The following VPS13C variants were observed in gnomAD, a reference collection of about 807,000 sequenced individuals.
VPS13C encodes vacuolar protein sorting 13 homolog C.
A neutral mutation model predicts 456.8 loss-of-function variants in VPS13C; 358 were observed. The ratio of observed to expected loss-of-function variants is 0.78; its 90% CI spans 0.72 to 0.86. The LOEUF (loss-of-function observed/expected upper bound fraction) is 0.86, where lower values mean the gene tolerates loss of function less well. Among genes scored for constraint, VPS13C ranks in the 40% least tolerant of loss-of-function variants. The probability of loss-of-function intolerance (pLI) is 0.00; values close to 1 mark genes in which losing one functional copy is unlikely to be tolerated. For missense variants in VPS13C, 4,818 were observed against 4,385.4 expected (o/e 1.10, Z -2.79); for synonymous variants, 1,578 against 1,486.7 (o/e 1.06, Z -1.41).
At position 61,853,742 on chromosome 15, in the gene VPS13C, T is replaced by G. The variant is rs896423804; in HGVS notation, c.*715A>C. ...TCAGGATCCAACATTTGTTCATGGG[T>G]TAAAGCCTTTTGGCGGGCCGTGGTG... On this transcript the variant is annotated 3_prime_UTR_variant, in exon 85 of 85. Coordinates refer to ENST00000644861, the MANE Select transcript of VPS13C (RefSeq NM_020821.3). 1 of 152,106 alleles carries G rather than the reference T, an allele frequency of 6.6e-6. No individual in the cohort carries two copies. The highest frequency in any genetic ancestry group is 1.5e-5 in the Non-Finnish European group (1 of 68,026). 9.4% of individuals were successfully genotyped at this position (152,106 alleles called of 1,614,324 possible).
At chr15:61,922,076 T>A in intron 54 of VPS13C, 43 bp from the exon 55 acceptor site, 1 of 1,581,962 alleles carries the variant, frequency 6.3e-7, no homozygotes, top group Non-Finnish European at 8.7e-7. Context: ...CCTTTGGCTT[T>A]AATTACATAT....
intron 64 of VPS13C, 109 bp downstream of exon 64, chr15:61,910,068 T>C (rs892878744): frequency 5.7e-6 from 3 of 526,078 alleles, no homozygotes; most frequent in Non-Finnish European, 7.5e-6. Flanking sequence ...ATGGCACATG[T>C]ATACATATGT....
chr15:61,988,273 G>C (rs2046120279), intron 18 of VPS13C, among the ~76,000 whole-genome samples: 1 of 152,154 alleles, frequency 6.6e-6, no homozygotes, highest in Non-Finnish European at 1.5e-5. Flanking sequence ...TGTTTTTGTT[G>C]ATCACCACAT....
chr15:61,949,925 G>T (rs2044730329), intron 41 of VPS13C, among the ~76,000 whole-genome samples: 1 of 152,098 alleles, frequency 6.6e-6, no homozygotes, highest in Non-Finnish European at 1.5e-5. Flanking sequence ...TGTTCAAATG[G>T]ACTGTACCAG....
In VPS13C at chr15:61,939,988, C is replaced by T. The variant is rs938642925; in HGVS notation, c.5601+659G>A. On this transcript the variant is annotated intron_variant, in intron 47 of 84. Transcript: ENST00000644861. ...CAGCCTAGGCCACAGAGCAAGACTC[C>T]GTCTCAAAAAAAAAAAAAAAAGTTG... Among the ~76,000 whole-genome samples the T allele has an allele frequency of 1.2e-3, 170 of 147,050 alleles. 1 individual carries two copies. The highest frequency in any genetic ancestry group is 4.0e-3 in the African/African-American group (158 of 39,864).
chr15:62,022,278 T>C (rs1009590248), intron 8 of VPS13C, among the ~76,000 whole-genome samples: 25 of 151,862 alleles, frequency 1.6e-4, no homozygotes, highest in African/African-American at 6.0e-4. Flanking sequence ...AAGTTTAATT[T>C]TACAAATTAG....
chr15:62,030,509 G>A (rs2047778564), intron 5 of VPS13C, among the ~76,000 whole-genome samples: 1 of 152,038 alleles, frequency 6.6e-6, no homozygotes, highest in Non-Finnish European at 1.5e-5. Flanking sequence ...ACAGAACTGT[G>A]AGCCAATTAA....
intron 12 of VPS13C, among the ~76,000 whole-genome samples, chr15:62,010,918 A>C (rs1211189453): frequency 6.6e-6 from 1 of 152,156 alleles, no homozygotes; most frequent in East Asian, 1.9e-4. Flanking sequence ...TCCTTGTTGC[A>C]AGACATTTAA....
At position 61,974,354 on chromosome 15, in the gene VPS13C, A is replaced by G; in HGVS notation, c.2472T>C (p.Asp824=). 6.2e-7 allele frequency: 1 copy of G among 1,612,778 alleles called. No individual in the cohort carries two copies. Among genetic ancestry groups the G allele is most frequent in the Non-Finnish European group, 8.5e-7 (1 of 1,179,074 alleles). ...HVRISDQKMK[D]VLYLMNSIPL... is the part of the protein sequence containing the mutation. The stretch of plus-strand genomic sequence containing the variant: ...GTATACTGTTCATCAAATATAGCAC[A>G]TCTTTCATCTTCTGGTCAGAAATTC... The change falls in exon 25 of 85, where the codon GAT becomes GAC. Residue 824 remains aspartate, a synonymous_variant. Coordinates refer to ENST00000644861, the MANE Select transcript of VPS13C (RefSeq NM_020821.3).
chr15:61,915,836 C>G lies in VPS13C; in HGVS notation c.8242G>C (p.Val2748Leu), dbSNP rs1258496729. 4 of 1,614,044 alleles carry G rather than the reference C, an allele frequency of 2.5e-6. No individual in the cohort carries two copies. Among genetic ancestry groups the G allele is most frequent in the Non-Finnish European group, 3.4e-6 (4 of 1,180,014 alleles). Reference sequence around the variant, plus strand: ...TGGACTGACAGGTCGACTGTCGTCACTTCTGTGGAGTCAGAAGAAAAACAC... The same window carrying G: ...TGGACTGACAGGTCGACTGTCGTCAGTTCTGTGGAGTCAGAAGAAAAACAC... ...PVCFSSDSTEVTTVDLSVHVR... is the reference protein window; with the variant it reads ...PVCFSSDSTELTTVDLSVHVR... Residue 2748 changes from valine to leucine, a missense_variant, in exon 61 of 85, where the codon GTG (valine) becomes CTG (leucine). Val to Leu is a conservative substitution (Grantham distance 32, BLOSUM62 1). This residue lies in a region of VPS13C where 4,552 missense variants were observed against 4,130.6 expected (regional missense o/e 1.10). Coordinates refer to ENST00000644861, the MANE Select transcript of VPS13C (RefSeq NM_020821.3).
chr15:61,999,769 T>C (rs1440759640), intron 16 of VPS13C, among the ~76,000 whole-genome samples: 3 of 149,098 alleles, frequency 2.0e-5, no homozygotes, highest in African/African-American at 5.0e-5. Context: ...ACATTATCAG[T>C]AGATCATTTC....
intron 49 of VPS13C, among the ~76,000 whole-genome samples, 172 bp from the exon 50 acceptor site, chr15:61,931,431 T>C (rs1028692141): frequency 6.6e-6 from 1 of 152,184 alleles, no homozygotes; most frequent in Non-Finnish European, 1.5e-5. Context: ...TTTGTGAGCA[T>C]ACCTGTACAT....
chr15:61,902,054 C>A (rs542001303), intron 66 of VPS13C, among the ~76,000 whole-genome samples: 4 of 141,362 alleles, frequency 2.8e-5, no homozygotes, highest in African/African-American at 8.0e-5. Flanking sequence ...TAGGTGGGAA[C>A]TGAACAATGC....
intron 49 of VPS13C, 120 bp from the exon 50 acceptor site, chr15:61,931,379 G>C (rs1167694946): frequency 9.9e-7 from 1 of 1,012,986 alleles, no homozygotes; most frequent in Non-Finnish European, 1.4e-6. Context: ...TTAAAAGTAT[G>C]AGTGCTAAAA....
chr15:61,896,650 T>G (rs1235650616), intron 66 of VPS13C, among the ~76,000 whole-genome samples: 1 of 152,148 alleles, frequency 6.6e-6, no homozygotes, highest in African/African-American at 2.4e-5. Flanking sequence ...GAGATCAAAC[T>G]GCAAGGCGGC....
Position 61,881,780 on chromosome 15 carries a change from C to T in VPS13C, c.9673G>A (p.Val3225Ile). The stretch of plus-strand genomic sequence containing the variant: ...AAAGCAATAGATTTTGGAGGGGCAA[C>T]AGGATGAAATACAACAGGGAACATT... ...GAMFPVVFHP[V>I]APPKSIALDS... Residue 3225 changes from valine to isoleucine, a missense_variant, in exon 70 of 85, where the codon GTT becomes ATT. Physicochemically the swap from Val to Ile is conservative, Grantham distance 29. Around this residue, in one of 3 missense-constraint regions of VPS13C, gnomAD observed 4,552 missense variants for 4,130.6 expected, o/e 1.10. Coordinates refer to ENST00000644861, the MANE Select transcript of VPS13C (RefSeq NM_020821.3). The T allele has an allele frequency of 6.2e-7, 1 of 1,608,554 alleles. No individual in the cohort carries two copies. Among genetic ancestry groups the T allele is most frequent in the Non-Finnish European group, 8.5e-7 (1 of 1,178,588 alleles).
chr15:61,991,559 T>C (rs946750328), intron 17 of VPS13C, 114 bp downstream of exon 17: 14 of 1,198,190 alleles, frequency 1.2e-5, no homozygotes, highest in Admixed American at 5.3e-5. Flanking sequence ...TTTACTATAC[T>C]GAGGTAATTT....
chr15:62,025,528 A>C (rs1480683510), intron 6 of VPS13C, among the ~76,000 whole-genome samples: 1 of 152,102 alleles, frequency 6.6e-6, no homozygotes, highest in South Asian at 2.1e-4. Context: ...ACAGCTTTCA[A>C]AGACATAGAC....
chr15:61,944,454 T>TA (rs1186533897), intron 45 of VPS13C, among the ~76,000 whole-genome samples: 1 of 151,990 alleles, frequency 6.6e-6, no homozygotes, highest in Non-Finnish European at 1.5e-5. Flanking sequence ...TACACAGTCA[T>TA]AAAAAAAGAA....
Sources: allele counts gnomAD v4.1 joint callset (sites outside exome capture counted in the v4.1 genomes callset), GRCh38; gene constraint gnomAD v4.1.1; regional missense constraint gnomAD v4.1.1; transcripts MANE v1.5; gene names NCBI Gene and HGNC (gene_info 2026-07-23, HGNC 2026-07-21).